Variants in ZNF804B observed in about 807,000 individuals in gnomAD.
The protein encoded by ZNF804B is zinc finger protein 804B, also known as zinc finger 804B.
A neutral mutation model predicts 101.4 loss-of-function variants in ZNF804B; 80 were observed. The observed-to-expected ratio is 0.79, with a 90% CI of 0.66 to 0.95. The LOEUF (loss-of-function observed/expected upper bound fraction) is 0.95. Among genes scored for constraint, ZNF804B ranks in the 40% least tolerant of loss-of-function variants. ZNF804B has a pLI of 0.00. For missense variants in ZNF804B, 1,673 were observed against 1,561.9 expected (o/e 1.07, Z -1.20); for synonymous variants, 622 against 558.8 (o/e 1.11, Z -1.59).
chr7:89,265,151 G>A (rs2115823046), intron 2 of ZNF804B, among the ~76,000 whole-genome samples: 1 of 152,266 alleles, frequency 6.6e-6, no homozygotes, highest in African/African-American at 2.4e-5. Context: ...TAGAGTGAGA[G>A]GAAAGACTTC....
chr7:89,045,300 C>T (rs1312044271), intron 1 of ZNF804B, among the ~76,000 whole-genome samples: 2 of 152,214 alleles, frequency 1.3e-5, no homozygotes, highest in Non-Finnish European at 2.9e-5. Context: ...GCGGAACCCT[C>T]ATAGAAAACC....
intron 1 of ZNF804B, among the ~76,000 whole-genome samples, chr7:89,124,318 T>G (rs751832290): frequency 2.0e-5 from 3 of 152,132 alleles, no homozygotes; most frequent in Non-Finnish European, 4.4e-5. Context: ...TTGTATTTAC[T>G]CTATCCTACG....
At chr7:89,270,059 T>C (rs2115835756) in intron 2 of ZNF804B, among the ~76,000 whole-genome samples, 1 of 152,326 alleles carries the variant, frequency 6.6e-6, no homozygotes, top group East Asian at 1.9e-4. Flanking sequence ...GCAGAAACTC[T>C]TTAGATTAAT....
chr7:88,881,299 TC>T (rs1450604026), intron 1 of ZNF804B, among the ~76,000 whole-genome samples: 4 of 152,260 alleles, frequency 2.6e-5, no homozygotes, highest in South Asian at 4.1e-4. Flanking sequence ...AGAATTTCAG[TC>T]TGTACTCATA....
At chr7:88,806,801 T>A (rs1159992631) in intron 1 of ZNF804B, among the ~76,000 whole-genome samples, 1 of 152,152 alleles carries the variant, frequency 6.6e-6, no homozygotes, top group African/African-American at 2.4e-5. Flanking sequence ...TGATATTTAA[T>A]AAGTTTCTAG....
intron 1 of ZNF804B, among the ~76,000 whole-genome samples, chr7:89,028,277 C>G (rs1175279560): frequency 6.6e-6 from 1 of 152,076 alleles, no homozygotes; most frequent in African/African-American, 2.4e-5. Flanking sequence ...ACTTGATTAG[C>G]TTGTGAAATA....
chr7:89,251,410 C>G (rs535327532), intron 2 of ZNF804B, among the ~76,000 whole-genome samples: 3 of 151,916 alleles, frequency 2.0e-5, no homozygotes, highest in African/African-American at 4.8e-5. Flanking sequence ...GTGAAAGAAA[C>G]AAGACATCTA....
At chr7:88,777,334 C>A (rs1466505215) in intron 1 of ZNF804B, among the ~76,000 whole-genome samples, 1 of 152,206 alleles carries the variant, frequency 6.6e-6, no homozygotes, top group Non-Finnish European at 1.5e-5. Context: ...ATCATGGCTT[C>A]TTTTCTTCTC....
At chr7:89,063,652 G>A (rs1789409251) in intron 1 of ZNF804B, among the ~76,000 whole-genome samples, 1 of 152,130 alleles carries the variant, frequency 6.6e-6, no homozygotes, top group Admixed American at 6.6e-5. Flanking sequence ...GAAGAAAGAG[G>A]AAGACCATCA....
chr7:88,820,774 G>C (rs1312740534), intron 1 of ZNF804B, among the ~76,000 whole-genome samples: 1 of 152,028 alleles, frequency 6.6e-6, no homozygotes, highest in Non-Finnish European at 1.5e-5. Context: ...GAAAGAAAGA[G>C]AATAAGTTGG....
At chr7:88,964,996 G>T (rs1458690057) in intron 1 of ZNF804B, among the ~76,000 whole-genome samples, 2 of 151,416 alleles carry the variant, frequency 1.3e-5, no homozygotes, top group Admixed American at 6.6e-5. Context: ...TATTTTATAG[G>T]GTATGAGGGT....
chr7:88,961,851 C>G (rs908634936), intron 1 of ZNF804B, among the ~76,000 whole-genome samples: 1 of 151,250 alleles, frequency 6.6e-6, no homozygotes, highest in Non-Finnish European at 1.5e-5. Flanking sequence ...TTGACGCTGC[C>G]CTGCCACATT....
chr7:88,888,897 G>A (rs1792174578), intron 1 of ZNF804B, among the ~76,000 whole-genome samples: 1 of 152,078 alleles, frequency 6.6e-6, no homozygotes, highest in African/African-American at 2.4e-5. Flanking sequence ...CATCACCCAG[G>A]TAGTGAGCAT....
At chr7:88,836,158 A>G (rs1204898631) in intron 1 of ZNF804B, among the ~76,000 whole-genome samples, 1 of 151,968 alleles carries the variant, frequency 6.6e-6, no homozygotes, top group Non-Finnish European at 1.5e-5. Flanking sequence ...AGTTAACACC[A>G]CGTTTTGAGA....
At chr7:88,943,820 T>A (rs1793089893) in intron 1 of ZNF804B, among the ~76,000 whole-genome samples, 1 of 151,866 alleles carries the variant, frequency 6.6e-6, no homozygotes, top group Non-Finnish European at 1.5e-5. Context: ...GAATGTTATA[T>A]AAATGGGAGC....
At chr7:89,312,601 G>A (rs1197965806) in intron 2 of ZNF804B, among the ~76,000 whole-genome samples, 4 of 152,132 alleles carry the variant, frequency 2.6e-5, no homozygotes, top group Non-Finnish European at 5.9e-5. Context: ...ACTCATCCTG[G>A]TTAGTAGCCC....
chr7:88,924,718 G>T (rs565876666), intron 1 of ZNF804B, among the ~76,000 whole-genome samples: 1 of 152,120 alleles, frequency 6.6e-6, no homozygotes, highest in East Asian at 1.9e-4. Context: ...CTCATTTGGT[G>T]TTATTTTTAC....
chr7:89,314,756 C>T (rs145404668), intron 2 of ZNF804B, among the ~76,000 whole-genome samples: 11 of 152,096 alleles, frequency 7.2e-5, no homozygotes, highest in Non-Finnish European at 1.3e-4. Context: ...AATATAAACT[C>T]GGATCTGCCT....
rs559940533 is a variant in ZNF804B at position 88,785,528 on chromosome 7, T to C, written c.108+25444T>C. 5.4e-4 allele frequency among the ~76,000 whole-genome samples: 82 copies of C among 152,184 alleles called. No individual in the cohort carries two copies. The South Asian group carries it at 0.014, about 27-fold the overall frequency. On this transcript the variant is annotated intron_variant, in intron 1 of 3. Coordinates refer to ENST00000333190, the MANE Select transcript of ZNF804B (RefSeq NM_181646.5). ...TCCTTCTATAATGCATAACTAACCA[T>C]AGTATTTCTCTCATAAAAATAAAAC...
Sources: allele counts gnomAD v4.1 joint callset (sites outside exome capture counted in the v4.1 genomes callset), GRCh38; gene constraint gnomAD v4.1.1; transcripts MANE v1.5; gene names NCBI Gene and HGNC (gene_info 2026-07-23, HGNC 2026-07-21).